Variants in RIMS1 observed in about 807,000 individuals in gnomAD.
The protein encoded by RIMS1 is regulating synaptic membrane exocytosis protein 1.
Under a neutral mutation model 214.1 loss-of-function variants are expected in RIMS1, and 83 were observed. The observed-to-expected ratio is 0.39, with a 90% CI of 0.32 to 0.47. The LOEUF (loss-of-function observed/expected upper bound fraction) is 0.47, where lower values mean the gene tolerates loss of function less well. Among genes scored for constraint, RIMS1 ranks in the 20% least tolerant of loss-of-function variants. RIMS1 has a pLI of 0.99. For synonymous variants in RIMS1, 793 were observed against 786.8 expected (o/e 1.01, Z -0.13); for missense variants, 2,050 against 2,161.8 (o/e 0.95, Z 1.03).
chr6:72,318,866 T>C lies in RIMS1; in HGVS notation c.4130+5194T>C, dbSNP rs75376950. ...TTTTGGCTAAGGACATATGCCTTTC[T>C]TTCTTGTGACCTCAAGTTGGTATTT... is the stretch of plus-strand genomic sequence containing the variant. On this transcript the variant is annotated intron_variant, in intron 28 of 33. Transcript: ENST00000521978. Among the ~76,000 whole-genome samples, 1,127 of 152,314 alleles carry C rather than the reference T, an allele frequency of 7.4e-3. 4 individuals are homozygous for C. Among genetic ancestry groups the C allele is most frequent in the Non-Finnish European group, 0.012 (825 of 68,006 alleles).
In RIMS1 at chr6:72,251,234, C is replaced by G. The variant is rs1348024084; in HGVS notation, c.2564C>G (p.Thr855Arg). The change falls in exon 15 of 34, where the codon ACA (threonine) becomes AGA (arginine). Residue 855 changes from threonine (T) to arginine (R), a missense_variant. Thr to Arg is a moderately conservative substitution (Grantham distance 71). Coordinates refer to ENST00000521978, the MANE Select transcript of RIMS1 (RefSeq NM_014989.7). Reference sequence around the variant, plus strand: ...TCTCAGATCCTCATAGAATTGGAGACAGCGCTTTTAGATGATGAACCGCAT... The same window carrying G: ...TCTCAGATCCTCATAGAATTGGAGAGAGCGCTTTTAGATGATGAACCGCAT... The part of the protein sequence containing the change: ...FLGEILIELE[T>R]ALLDDEPHWY... 1 of 1,597,956 alleles carries G rather than the reference C, an allele frequency of 6.3e-7. No homozygotes were observed. The highest frequency in any genetic ancestry group is 1.7e-5 in the Admixed American group (1 of 58,110).
rs1206926278 is a variant in RIMS1 at position 72,392,694 on chromosome 6, A to T, written c.4506-4A>T. The T allele has an allele frequency of 1.3e-6, 2 of 1,594,288 alleles. No homozygotes were observed. The highest frequency in any genetic ancestry group is 2.7e-5 in the African/African-American group (2 of 74,614). The stretch of plus-strand genomic sequence containing the variant: ...TCCTTTGGTTTTTATCCTTTTGCTG[A>T]TAGTTTAATATTTCCTGGAGTGCGA... On this transcript the variant is annotated splice_polypyrimidine_tract_variant and splice_region_variant and intron_variant, in intron 30 of 33. Coordinates refer to ENST00000521978, the MANE Select transcript of RIMS1 (RefSeq NM_014989.7).
Position 72,333,799 on chromosome 6 carries a change from CGAA to C in RIMS1, c.4332_4334del (p.Arg1445del). The C allele has an allele frequency of 6.3e-7, 1 of 1,592,164 alleles. No homozygotes were observed. Among genetic ancestry groups the C allele is most frequent in the South Asian group, 1.1e-5 (1 of 87,320 alleles). ...TGCCAAAGTGGTTGCCATAGTGTCT[CGAA>C]GGAGTAGAAGCACATCCCAGCTTAG... On this transcript the variant is annotated inframe_deletion, in exon 29 of 34. Transcript: ENST00000521978.
rs1357628748 is a variant in RIMS1 at position 72,360,075 on chromosome 6, ACAAGT to A, written c.4366+26243_4366+26247del. ...TGATTGGGCTAAAACAGAAAAATTT[ACAAGT>A]CAGAGTTTTGTTCACCCTCCAAATT... is the stretch of plus-strand genomic sequence containing the variant. On this transcript the variant is annotated intron_variant, in intron 29 of 33. Coordinates refer to ENST00000521978, the MANE Select transcript of RIMS1 (RefSeq NM_014989.7). Among the ~76,000 whole-genome samples the A allele has an allele frequency of 4.6e-5, 7 of 152,316 alleles. No homozygotes were observed. The East Asian group carries it at 1.4e-3, about 29-fold the overall frequency.
chr6:72,266,412 T>C, intron 22 of RIMS1: 1 of 307,734 alleles, frequency 3.2e-6, no homozygotes, highest in Non-Finnish European at 6.3e-6. Flanking sequence ...AAGGGGAGGA[T>C]CACTTTCCTC....
At chr6:72,033,154 CT>C (rs1448298106) in intron 2 of RIMS1, among the ~76,000 whole-genome samples, 1 of 152,192 alleles carries the variant, frequency 6.6e-6, no homozygotes, top group Non-Finnish European at 1.5e-5. Context: ...CAGAATTCAT[CT>C]TTGTATTCTT....
chr6:72,342,751 A>G (rs2154358205), intron 29 of RIMS1, among the ~76,000 whole-genome samples: 1 of 151,884 alleles, frequency 6.6e-6, no homozygotes, highest in South Asian at 2.1e-4. Flanking sequence ...AGATGATACG[A>G]ATAATTTTAA....
rs756837279 is a variant in RIMS1, at chr6:72,402,011, T to G, written c.*1297T>G. On this transcript the variant is annotated 3_prime_UTR_variant, in exon 34 of 34. Coordinates refer to ENST00000521978, the MANE Select transcript of RIMS1 (RefSeq NM_014989.7). Reference sequence around the variant, plus strand: ...TTCTCTTGGCCTTGAATTTCCCTTGTGACATTCTGTACATGTGCTACAAAC... The same window carrying G: ...TTCTCTTGGCCTTGAATTTCCCTTGGGACATTCTGTACATGTGCTACAAAC... 2.0e-5 allele frequency: 3 copies of G among 152,570 alleles called. No individual in the cohort carries two copies. The highest frequency in any genetic ancestry group is 2.9e-5 in the Non-Finnish European group (2 of 68,044). 9.5% of individuals were successfully genotyped at this position (152,570 alleles called of 1,614,324 possible).
chr6:72,269,314 T>A (rs2081973450), intron 22 of RIMS1, among the ~76,000 whole-genome samples: 1 of 152,182 alleles, frequency 6.6e-6, no homozygotes. Flanking sequence ...TGTTATGATG[T>A]CTGCTTTGAA....
rs185523252 is a variant in RIMS1 at position 72,324,291 on chromosome 6, G to A, written c.4131-9309G>A. On this transcript the variant is annotated intron_variant, in intron 28 of 33. Transcript: ENST00000521978. ...TATAAAATACCTGAGTGAAAGGTGG[G>A]AGGGGAGTAAATGGAAGTAAGTTAT... Among the ~76,000 whole-genome samples the A allele has an allele frequency of 2.3e-4, 35 of 152,108 alleles. No individual in the cohort carries two copies. The Middle Eastern group carries it at 0.01, about 44-fold the overall frequency.
At chr6:71,915,090 A>T (rs62407750) in intron 1 of RIMS1, among the ~76,000 whole-genome samples, 6,235 of 152,106 alleles carry the variant, frequency 0.041, 168 homozygotes, top group Middle Eastern at 0.15. Flanking sequence ...AGTATCCCTA[A>T]ATGTTGCATA....
Position 72,251,255 on chromosome 6 carries a change from C to G in RIMS1, c.2585C>G (p.Pro862Arg). 1 of 1,598,250 alleles carries G rather than the reference C, an allele frequency of 6.3e-7. No homozygotes were observed. Among genetic ancestry groups the G allele is most frequent in the African/African-American group, 1.3e-5 (1 of 74,794 alleles). The change falls in exon 15 of 34, where the codon CCG becomes CGG. Residue 862 changes from proline (P) to arginine (R), a missense_variant. Physicochemically the swap from Pro to Arg is moderately radical, Grantham distance 103 (BLOSUM62 -2). Around this residue, in one of 6 missense-constraint regions of RIMS1, gnomAD observed 889 missense variants for 885.5 expected, o/e 1.00. Transcript: ENST00000521978. ...ELETALLDDE[P>R]HWYKLQTHDE... The stretch of plus-strand genomic sequence containing the variant: ...GAGACAGCGCTTTTAGATGATGAAC[C>G]GCATTGGTATAAACTTCAGACACAT...
At chr6:72,324,897 C>T (rs1290341860) in intron 28 of RIMS1, among the ~76,000 whole-genome samples, 1 of 151,624 alleles carries the variant, frequency 6.6e-6, no homozygotes, top group Non-Finnish European at 1.5e-5. Context: ...ACTATCTGGC[C>T]CTTTACAAAA....
chr6:72,005,062 G>A (rs1806929695), intron 2 of RIMS1, among the ~76,000 whole-genome samples: 1 of 151,288 alleles, frequency 6.6e-6, no homozygotes, highest in Admixed American at 6.6e-5. Context: ...GTGTAAGGAA[G>A]GGATCCAGTT....
chr6:72,122,392 G>T (rs1372794149), intron 4 of RIMS1, among the ~76,000 whole-genome samples: 4 of 151,352 alleles, frequency 2.6e-5, no homozygotes, highest in African/African-American at 9.7e-5. Flanking sequence ...ATTTTTAGTA[G>T]AGACGGGGTT....
intron 29 of RIMS1, among the ~76,000 whole-genome samples, chr6:72,364,566 C>T (rs1363645873): frequency 3.3e-5 from 5 of 152,160 alleles, no homozygotes; most frequent in African/African-American, 1.2e-4. Flanking sequence ...CATAGTCCTC[C>T]AGCCTTACAA....
chr6:71,886,848 G>T lies in RIMS1; in HGVS notation c.-176G>T. 1 of 663,540 alleles carries T rather than the reference G, an allele frequency of 1.5e-6. No individual in the cohort carries two copies. 41.1% of individuals were successfully genotyped at this position (663,540 alleles called of 1,614,324 possible). A position where few individuals can be genotyped will look rare whatever the true frequency, so the allele number is the denominator to read the frequency against. On this transcript the variant is annotated 5_prime_UTR_variant, in exon 1 of 34. Coordinates refer to ENST00000521978, the MANE Select transcript of RIMS1 (RefSeq NM_014989.7). Reference sequence around the variant, plus strand: ...GGATGCAAACAACCATGAAAGACTGGGTTCTCGCTCTCCCCGGCTCTGCTG... The same window carrying T: ...GGATGCAAACAACCATGAAAGACTGTGTTCTCGCTCTCCCCGGCTCTGCTG...
intron 6 of RIMS1, among the ~76,000 whole-genome samples, chr6:72,185,238 C>T (rs1240643969): frequency 1.3e-5 from 2 of 151,780 alleles, no homozygotes; most frequent in Non-Finnish European, 1.5e-5. Flanking sequence ...AAGAGAACCC[C>T]GATAAATAGA....
At chr6:72,292,495 G>GA (rs889771368) in intron 26 of RIMS1, among the ~76,000 whole-genome samples, 8 of 151,910 alleles carry the variant, frequency 5.3e-5, no homozygotes, top group African/African-American at 1.9e-4. Context: ...GTTTGATGAT[G>GA]AAAAAAATGA....
Sources: gnomAD v4.1 joint callset for allele counts (sites outside exome capture counted in the v4.1 genomes callset) on GRCh38, gnomAD v4.1.1 for gene constraint, gnomAD v4.1.1 regional missense constraint, MANE v1.5 for transcripts, NCBI Gene and HGNC (gene_info 2026-07-23, HGNC 2026-07-21) for gene names.